Variants in IGF2BP2 observed in about 807,000 individuals in gnomAD.
IGF2BP2 encodes the protein insulin-like growth factor 2 mRNA-binding protein 2.
Under a neutral mutation model 75.8 loss-of-function variants are expected in IGF2BP2, and 17 were observed. The observed-to-expected ratio is 0.22, with a 90% CI of 0.15 to 0.34. The LOEUF (loss-of-function observed/expected upper bound fraction) is 0.34. Ranked by LOEUF, IGF2BP2 falls within the 10% of genes least tolerant of loss-of-function variation. The pLI, the probability that IGF2BP2 is intolerant of heterozygous loss-of-function variation, is 1.00. For missense variants in IGF2BP2, 516 were observed against 772.4 expected (o/e 0.67, Z 3.93); for synonymous variants, 288 against 295.6 (o/e 0.97, Z 0.26).
intron 2 of IGF2BP2, among the ~76,000 whole-genome samples, chr3:185,781,388 TA>T (rs1165493745): frequency 1.3e-5 from 2 of 152,130 alleles, no homozygotes; most frequent in Non-Finnish European, 2.9e-5. Flanking sequence ...TCCCGAATAA[TA>T]GGCTGAAAAA....
chr3:185,764,286 A>G (rs939701858), intron 2 of IGF2BP2, among the ~76,000 whole-genome samples: 13 of 152,284 alleles, frequency 8.5e-5, no homozygotes, highest in African/African-American at 1.4e-4. Flanking sequence ...TGCAGTCATG[A>G]AAGATTTTTT....
chr3:185,824,770 G>T lies in IGF2BP2; in HGVS notation c.178+13C>A. 7.5e-7 allele frequency: 1 copy of T among 1,330,544 alleles called. No homozygotes were observed. The highest frequency in any genetic ancestry group is 9.8e-7 in the Non-Finnish European group (1 of 1,020,014). 82.4% of individuals were successfully genotyped at this position (1,330,544 alleles called of 1,614,324 possible). A position where few individuals can be genotyped will look rare whatever the true frequency, so the allele number is the denominator to read the frequency against. ...GGGCGAGGCGGGGGGAGGGGGCCGC[G>T]CTGAGTGCTCACCCGAGAGGGTCTC... On this transcript the variant is annotated intron_variant, in intron 1 of 15. Coordinates refer to ENST00000382199, the MANE Select transcript of IGF2BP2 (RefSeq NM_006548.6).
At chr3:185,679,454 T>TA (rs1025211817) in intron 7 of IGF2BP2, among the ~76,000 whole-genome samples, 3 of 152,292 alleles carry the variant, frequency 2.0e-5, no homozygotes, top group East Asian at 1.9e-4. Context: ...GATTTATAGT[T>TA]AAAAAAAGTT....
intron 15 of IGF2BP2, 94 bp downstream of exon 15, chr3:185,646,931 C>G: frequency 2.2e-6 from 2 of 912,668 alleles, no homozygotes; most frequent in Non-Finnish European, 3.6e-6. Context: ...TGGATTGATG[C>G]TCAGGGCCTG....
intron 12 of IGF2BP2, among the ~76,000 whole-genome samples, chr3:185,656,102 C>T (rs1372796431): frequency 1.3e-5 from 2 of 152,272 alleles, no homozygotes; most frequent in African/African-American, 2.4e-5. Flanking sequence ...ACGGTCCTTT[C>T]TCCTGCCGGC....
In IGF2BP2 at chr3:185,765,234, C is replaced by T. The variant is rs113893897; in HGVS notation, c.239+57919G>A. Among the ~76,000 whole-genome samples, 783 of 152,254 alleles carry T rather than the reference C, an allele frequency of 5.1e-3. 6 individuals are homozygous for T. The highest frequency in any genetic ancestry group is 0.018 in the South Asian group (85 of 4,814). ...CTGCTCTACACACTGTTTCCCCCTC[C>T]GTCCCTCCCATCCAGCTATATTTAG... On this transcript the variant is annotated intron_variant, in intron 2 of 15. Coordinates refer to ENST00000382199, the MANE Select transcript of IGF2BP2 (RefSeq NM_006548.6).
At chr3:185,709,508 C>G (rs766752780) in intron 2 of IGF2BP2, among the ~76,000 whole-genome samples, 2 of 152,224 alleles carry the variant, frequency 1.3e-5, no homozygotes, top group Non-Finnish European at 2.9e-5. Flanking sequence ...CACGTGCTTA[C>G]TAAAGACACT....
At chr3:185,800,886 T>A (rs1289627316) in intron 2 of IGF2BP2, among the ~76,000 whole-genome samples, 1 of 152,166 alleles carries the variant, frequency 6.6e-6, no homozygotes, top group Non-Finnish European at 1.5e-5. Context: ...AAAGAGCTTC[T>A]GCACAGCAAA....
chr3:185,660,640 T>C (rs1716284804), intron 10 of IGF2BP2, among the ~76,000 whole-genome samples: 2 of 152,216 alleles, frequency 1.3e-5, no homozygotes, highest in South Asian at 4.1e-4. Context: ...CAGCAGTCTC[T>C]TGGCAAGCTC....
rs566302808 is a variant in IGF2BP2 at position 185,650,704 on chromosome 3, A to T, written c.1462-1170T>A. ...AAAAATAAAAACTGAAAAAAAAAAAAATATATCAATTTCAGTGGTCAGTAT... is the reference window on the plus strand; with the variant it reads ...AAAAATAAAAACTGAAAAAAAAAAATATATATCAATTTCAGTGGTCAGTAT... On this transcript the variant is annotated intron_variant, in intron 13 of 15. Coordinates refer to ENST00000382199, the MANE Select transcript of IGF2BP2 (RefSeq NM_006548.6). Among the ~76,000 whole-genome samples the T allele has an allele frequency of 1.7e-3, 264 of 152,150 alleles. 1 individual carries two copies. The highest frequency in any genetic ancestry group is 6.6e-3 in the East Asian group (34 of 5,180).
chr3:185,735,280 G>C (rs1318689816), intron 2 of IGF2BP2, among the ~76,000 whole-genome samples: 1 of 151,888 alleles, frequency 6.6e-6, no homozygotes, highest in Non-Finnish European at 1.5e-5. Context: ...CGAGTAGCTG[G>C]GACTACAGGC....
intron 10 of IGF2BP2, among the ~76,000 whole-genome samples, chr3:185,672,324 T>C (rs1254554075): frequency 6.6e-6 from 1 of 152,218 alleles, no homozygotes; most frequent in African/African-American, 2.4e-5. Flanking sequence ...TATGACATAC[T>C]ATATTTAAGA....
chr3:185,723,052 G>A (rs1726796236), intron 2 of IGF2BP2, among the ~76,000 whole-genome samples: 1 of 152,096 alleles, frequency 6.6e-6, no homozygotes, highest in South Asian at 2.1e-4. Context: ...AACGTTTCTC[G>A]TTGGCTAAGC....
chr3:185,690,617 T>C (rs1251775667), intron 5 of IGF2BP2, among the ~76,000 whole-genome samples: 1 of 152,190 alleles, frequency 6.6e-6, no homozygotes, highest in Non-Finnish European at 1.5e-5. Context: ...CTGTCACCAT[T>C]GGCATCTTTG....
At chr3:185,658,257 G>A in intron 11 of IGF2BP2, 84 bp downstream of exon 11, 3 of 1,267,004 alleles carry the variant, frequency 2.4e-6, no homozygotes, top group Non-Finnish European at 3.5e-6. Context: ...GATCTGCATT[G>A]TGAACATTCA....
intron 12 of IGF2BP2, among the ~76,000 whole-genome samples, chr3:185,655,030 G>A (rs1454131106): frequency 6.6e-6 from 1 of 152,216 alleles, no homozygotes; most frequent in Admixed American, 6.5e-5. Context: ...CTAGGGGTGG[G>A]AGAATCTCTG....
intron 2 of IGF2BP2, among the ~76,000 whole-genome samples, chr3:185,732,626 T>C (rs533764726): frequency 2.6e-5 from 4 of 152,292 alleles, no homozygotes; most frequent in South Asian, 2.1e-4. Context: ...GCAAGACCCA[T>C]GTCTCAAGCT....
At chr3:185,821,255 T>C (rs1741338864) in intron 2 of IGF2BP2, 1 of 783,548 alleles carries the variant, frequency 1.3e-6, no homozygotes, top group Non-Finnish European at 1.9e-6. Flanking sequence ...TTTGGAATGT[T>C]AAACATTTTC....
chr3:185,822,894 T>C (rs1741544911), intron 2 of IGF2BP2, among the ~76,000 whole-genome samples: 1 of 151,500 alleles, frequency 6.6e-6, no homozygotes, highest in African/African-American at 2.4e-5. Flanking sequence ...AGTTACAGGG[T>C]CCCAGCGAAC....
Sources: gnomAD v4.1 joint callset for allele counts (sites outside exome capture counted in the v4.1 genomes callset) on GRCh38, gnomAD v4.1.1 for gene constraint, MANE v1.5 for transcripts, NCBI Gene and HGNC (gene_info 2026-07-23, HGNC 2026-07-21) for gene names.